XYLT1: variants seen among roughly 807,000 people sequenced by gnomAD.
XYLT1 encodes the protein xylosyltransferase 1.
XYLT1 carries 36 observed loss-of-function variants against 91.3 expected under a neutral mutation model. The ratio of observed to expected loss-of-function variants is 0.39; its 90% CI spans 0.30 to 0.52. The LOEUF (loss-of-function observed/expected upper bound fraction) is 0.52. Among genes scored for constraint, XYLT1 ranks in the 20% least tolerant of loss-of-function variants. XYLT1 has a pLI of 0.68. For synonymous variants in XYLT1, 588 were observed against 532.0 expected, an observed-to-expected ratio of 1.11 and a Z score of -1.45; for missense variants, 1,242 against 1,284.5, an observed-to-expected ratio of 0.97 and a Z score of 0.51.
At chr16:17,239,690 C>A (rs2033315046) in intron 3 of XYLT1, among the ~76,000 whole-genome samples, 1 of 151,660 alleles carries the variant, frequency 6.6e-6, no homozygotes, top group Non-Finnish European at 1.5e-5. Flanking sequence ...ATCCATTCAT[C>A]CATCCACCCA....
intron 1 of XYLT1, among the ~76,000 whole-genome samples, chr16:17,448,805 G>C (rs765657853): frequency 1.3e-5 from 2 of 152,068 alleles, no homozygotes; most frequent in African/African-American, 2.4e-5. Flanking sequence ...ATGTTATGGT[G>C]CTTAATACAG....
At chr16:17,216,483 T>C (rs1376723496) in intron 3 of XYLT1, among the ~76,000 whole-genome samples, 3 of 152,222 alleles carry the variant, frequency 2.0e-5, no homozygotes, top group African/African-American at 7.2e-5. Context: ...ACCATAAATA[T>C]GTTCTGCAGG....
chr16:17,160,518 T>G (rs913464696), intron 5 of XYLT1, among the ~76,000 whole-genome samples: 2 of 152,176 alleles, frequency 1.3e-5, no homozygotes, highest in African/African-American at 4.8e-5. Flanking sequence ...GCTGCTCGTG[T>G]CCCATCCTAT....
chr16:17,158,927 G>A lies in XYLT1; in HGVS notation c.1290-18C>T, dbSNP rs748724788. 1.2e-6 allele frequency: 2 copies of A among 1,612,268 alleles called. No homozygotes were observed. The highest frequency in any genetic ancestry group is 1.7e-6 in the Non-Finnish European group (2 of 1,178,344). ...CATTTGTCCTGTGGAAACAAACCAA[G>A]GGGAGAGTCAGGCCAGACACCGTGG... On this transcript the variant is annotated intron_variant, in intron 5 of 11. Transcript: ENST00000261381.
chr16:17,400,106 C>G (rs539047551), intron 1 of XYLT1, among the ~76,000 whole-genome samples: 58 of 152,320 alleles, frequency 3.8e-4, no homozygotes, highest in Middle Eastern at 3.4e-3. Context: ...CTCCTGGCAA[C>G]AGCAGCTTTC....
chr16:17,379,759 T>TCACACACACACACACACACACA (rs1489816883), intron 1 of XYLT1, among the ~76,000 whole-genome samples: 1 of 117,938 alleles, frequency 8.5e-6, no homozygotes, highest in African/African-American at 3.9e-5. Context: ...TCTCTCTCTC[T>TCACACACACACACACACACACA]CTCTCACACA....
At chr16:17,413,422 T>G (rs1547991) in intron 1 of XYLT1, among the ~76,000 whole-genome samples, 74,673 of 151,192 alleles carry the variant, frequency 0.49, 19,735 homozygotes, top group African/African-American at 0.65. Flanking sequence ...TCAACTACAC[T>G]TTCTTATTTT....
At chr16:17,323,427 A>T (rs757643973) in intron 2 of XYLT1, among the ~76,000 whole-genome samples, 1 of 151,926 alleles carries the variant, frequency 6.6e-6, no homozygotes, top group Non-Finnish European at 1.5e-5. Flanking sequence ...CCCCGGCTCC[A>T]CTCTCCCCAC....
At chr16:17,301,767 C>T (rs1295802477) in intron 2 of XYLT1, among the ~76,000 whole-genome samples, 2 of 152,138 alleles carry the variant, frequency 1.3e-5, no homozygotes, top group Non-Finnish European at 2.9e-5. Context: ...GATGAAGACT[C>T]GGAGGTTTAC....
intron 3 of XYLT1, among the ~76,000 whole-genome samples, chr16:17,216,440 T>G (rs895942285): frequency 6.6e-6 from 1 of 152,170 alleles, no homozygotes; most frequent in Non-Finnish European, 1.5e-5. Flanking sequence ...AGTAATCACA[T>G]TATGGGCCAT....
chr16:17,372,391 A>C (rs1488086974), intron 1 of XYLT1, among the ~76,000 whole-genome samples: 1 of 152,250 alleles, frequency 6.6e-6, no homozygotes, highest in Non-Finnish European at 1.5e-5. Flanking sequence ...CAGCAGGTAC[A>C]GTAAACTACT....
At position 17,117,667 on chromosome 16, in the gene XYLT1, T is replaced by C. The variant is rs773788081; in HGVS notation, c.2536A>G (p.Asn846Asp). 6.2e-7 allele frequency: 1 copy of C among 1,612,370 alleles called. No homozygotes were observed. Among genetic ancestry groups the C allele is most frequent in the Non-Finnish European group, 8.5e-7 (1 of 1,178,514 alleles). ...KFLVAPLTFSNRQPIKPEEAL... is the reference protein window; with the variant it reads ...KFLVAPLTFSDRQPIKPEEAL... Reference sequence around the variant, plus strand: ...TTACCAGGTTTGATGGGCTGCCTGTTCGAGAAGGTCAGAGGCGCAACGAGG... The same window carrying C: ...TTACCAGGTTTGATGGGCTGCCTGTCCGAGAAGGTCAGAGGCGCAACGAGG... The change falls in exon 11 of 12, where the codon AAC becomes GAC. Residue 846 changes from asparagine (N) to aspartate (D), a missense_variant. Coordinates refer to ENST00000261381, the MANE Select transcript of XYLT1 (RefSeq NM_022166.4).
intron 3 of XYLT1, among the ~76,000 whole-genome samples, chr16:17,254,017 T>G (rs1358843725): frequency 6.6e-6 from 1 of 152,208 alleles, no homozygotes; most frequent in African/African-American, 2.4e-5. Context: ...CATGTGTTTC[T>G]GGCCAAGGAC....
chr16:17,422,666 CCTAA>C (rs2036264314), intron 1 of XYLT1, among the ~76,000 whole-genome samples: 2 of 152,042 alleles, frequency 1.3e-5, no homozygotes, highest in Admixed American at 1.3e-4. Flanking sequence ...CAACACCACG[CCTAA>C]CTAATTTTTG....
At chr16:17,251,638 G>A (rs2033539948) in intron 3 of XYLT1, among the ~76,000 whole-genome samples, 1 of 152,220 alleles carries the variant, frequency 6.6e-6, no homozygotes, top group Non-Finnish European at 1.5e-5. Context: ...CACGGAGGGC[G>A]CTTCCTGACA....
chr16:17,387,333 C>T (rs2035759908), intron 1 of XYLT1, among the ~76,000 whole-genome samples: 1 of 152,178 alleles, frequency 6.6e-6, no homozygotes, highest in South Asian at 2.1e-4. Flanking sequence ...CACACTGCTT[C>T]ACTAGACTAC....
chr16:17,427,684 T>C (rs911755081), intron 1 of XYLT1, among the ~76,000 whole-genome samples: 1 of 152,180 alleles, frequency 6.6e-6, no homozygotes, highest in East Asian at 1.9e-4. Flanking sequence ...AGCATCCACA[T>C]GTATCCTACC....
intron 9 of XYLT1, among the ~76,000 whole-genome samples, chr16:17,131,908 C>T (rs531418032): frequency 6.6e-6 from 1 of 152,258 alleles, no homozygotes; most frequent in African/African-American, 2.4e-5. Flanking sequence ...TTCATAAATA[C>T]ATTGGCTTTG....
At chr16:17,147,814 A>C (rs2031174740) in intron 6 of XYLT1, among the ~76,000 whole-genome samples, 1 of 152,228 alleles carries the variant, frequency 6.6e-6, no homozygotes, top group Non-Finnish European at 1.5e-5. Context: ...TTGGAAGGCA[A>C]GGTAAGTCAG....
Sources: allele counts gnomAD v4.1 joint callset (sites outside exome capture counted in the v4.1 genomes callset), GRCh38; gene constraint gnomAD v4.1.1; transcripts MANE v1.5; gene names NCBI Gene and HGNC (gene_info 2026-07-23, HGNC 2026-07-21).